The following KIF16B variants were observed in gnomAD, a reference collection of about 807,000 sequenced individuals.
The protein encoded by KIF16B is kinesin-like protein KIF16B.
A neutral mutation model predicts 156.3 loss-of-function variants in KIF16B; 98 were observed. The observed-to-expected ratio is 0.63, with a 90% CI of 0.53 to 0.74. The LOEUF is 0.74. Ranked by LOEUF, KIF16B falls within the 30% of genes least tolerant of loss-of-function variation. The pLI is 0.00. For missense variants in KIF16B, 1,421 were observed against 1,606.5 expected, an observed-to-expected ratio of 0.88 and a Z score of 1.97; for synonymous variants, 564 against 583.7, an observed-to-expected ratio of 0.97 and a Z score of 0.49.
At chr20:16,306,319 A>G (rs1053314981) in intron 25 of KIF16B, among the ~76,000 whole-genome samples, 1 of 152,170 alleles carries the variant, frequency 6.6e-6, no homozygotes, top group Admixed American at 6.5e-5. Flanking sequence ...CGGGGACTTC[A>G]CAGTGGGCAG....
In KIF16B at chr20:16,410,031, A is replaced by T. The variant is rs28695334; in HGVS notation, c.1613-3575T>A. 1.5e-3 allele frequency among the ~76,000 whole-genome samples: 130 copies of T among 86,150 alleles called. 13 individuals are homozygous for T. The highest frequency in any genetic ancestry group is 2.6e-3 in the East Asian group (4 of 1,540). The allele number at this position is 86,150 out of a possible 152,430, so 56.5% of individuals were successfully genotyped here. On this transcript the variant is annotated intron_variant, in intron 15 of 25. Coordinates refer to ENST00000354981, the MANE Select transcript of KIF16B (RefSeq NM_024704.5). ...TATATGTAGGTACATATATATATGTAGGTACATATATATATGTTGGTACAT... is the reference window on the plus strand; with the variant it reads ...TATATGTAGGTACATATATATATGTTGGTACATATATATATGTTGGTACAT...
chr20:16,330,902 T>C (rs890655279), intron 24 of KIF16B, among the ~76,000 whole-genome samples: 7 of 152,254 alleles, frequency 4.6e-5, no homozygotes, highest in Non-Finnish European at 1.0e-4. Flanking sequence ...TTCTCACACA[T>C]GCCCATGTGG....
At chr20:16,386,332 G>T (rs2123488914) in intron 17 of KIF16B, among the ~76,000 whole-genome samples, 1 of 152,160 alleles carries the variant, frequency 6.6e-6, no homozygotes, top group East Asian at 1.9e-4. Flanking sequence ...GAAAGAGAAA[G>T]AGATCAGTAG....
chr20:16,349,046 G>T (rs1453941614), intron 23 of KIF16B, among the ~76,000 whole-genome samples: 1 of 152,198 alleles, frequency 6.6e-6, no homozygotes, highest in East Asian at 1.9e-4. Context: ...ACCCAGGACT[G>T]CTCACAGCAG....
At chr20:16,375,149 C>A (rs754303447) in intron 19 of KIF16B, among the ~76,000 whole-genome samples, 3 of 152,220 alleles carry the variant, frequency 2.0e-5, no homozygotes, top group Admixed American at 6.5e-5. Context: ...CCGGCCCAGG[C>A]ATACTTGAAT....
chr20:16,273,039 G>T lies in KIF16B; in HGVS notation c.*214C>A. The T allele has an allele frequency of 1.8e-6, 1 of 545,494 alleles. No homozygotes were observed. The highest frequency in any genetic ancestry group is 3.3e-6 in the Non-Finnish European group (1 of 304,200). The allele number at this position is 545,494 out of a possible 1,614,324, so 33.8% of individuals were successfully genotyped here. A position where few individuals can be genotyped will look rare whatever the true frequency, so the allele number is the denominator to read the frequency against. The stretch of plus-strand genomic sequence containing the variant: ...CGTTCAACCGCAATGGAACGGTAAC[G>T]GCTGCCTGTCAGGGCCACATCAGCA... On this transcript the variant is annotated 3_prime_UTR_variant, in exon 26 of 26. Transcript: ENST00000354981.
rs1355804645 is a variant in KIF16B at position 16,272,320 on chromosome 20, G to A, written c.*933C>T. On this transcript the variant is annotated 3_prime_UTR_variant, in exon 26 of 26. Coordinates refer to ENST00000354981, the MANE Select transcript of KIF16B (RefSeq NM_024704.5). ...ACATTTTTCTCTTTAGTAAAACAAA[G>A]CAGTTTTACTGTACACAGAAGTGCA... The A allele has an allele frequency of 6.6e-6, 1 of 152,450 alleles. No homozygotes were observed. The highest frequency in any genetic ancestry group is 2.4e-5 in the African/African-American group (1 of 41,364). 9.4% of individuals were successfully genotyped at this position (152,450 alleles called of 1,614,324 possible).
chr20:16,472,556 A>T (rs2067692399), intron 12 of KIF16B, among the ~76,000 whole-genome samples: 1 of 41,186 alleles, frequency 2.4e-5, no homozygotes, highest in Admixed American at 2.3e-4. Context: ...CTGAAATTAA[A>T]AAAAAAAAAA....
rs554789654 is a variant in KIF16B at position 16,530,308 on chromosome 20, A to T, written c.48-1868T>A. Among the ~76,000 whole-genome samples, 5 of 152,194 alleles carry T rather than the reference A, an allele frequency of 3.3e-5. No individual in the cohort carries two copies. The East Asian group carries it at 9.7e-4, about 30-fold the overall frequency. ...GACTATGGGCTGGACCTGGTGAGTC[A>T]CTTCTAATGACTACAACACAAACAC... On this transcript the variant is annotated intron_variant, in intron 1 of 25. Transcript: ENST00000354981.
intron 12 of KIF16B, among the ~76,000 whole-genome samples, chr20:16,451,812 T>A (rs1344701766): frequency 1.3e-5 from 2 of 152,196 alleles, no homozygotes; most frequent in Non-Finnish European, 2.9e-5. Flanking sequence ...TTTACTTTAA[T>A]ATTCAGTATT....
At chr20:16,450,697 A>G (rs901532552) in intron 12 of KIF16B, among the ~76,000 whole-genome samples, 3 of 152,194 alleles carry the variant, frequency 2.0e-5, no homozygotes, top group Non-Finnish European at 4.4e-5. Flanking sequence ...TTGGAACCAC[A>G]GCACCTCACA....
chr20:16,480,448 T>G (rs6034496), intron 12 of KIF16B, among the ~76,000 whole-genome samples: 2,531 of 152,218 alleles, frequency 0.017, 56 homozygotes, highest in African/African-American at 0.056. Context: ...GTCACACAAC[T>G]AGTAAGTGAT....
intron 1 of KIF16B, among the ~76,000 whole-genome samples, chr20:16,552,705 C>T (rs2070711803): frequency 6.6e-6 from 1 of 152,200 alleles, no homozygotes; most frequent in Non-Finnish European, 1.5e-5. Context: ...TTCATTATGA[C>T]ACCAGCATAT....
intron 25 of KIF16B, among the ~76,000 whole-genome samples, chr20:16,309,850 T>C (rs1033318798): frequency 6.6e-5 from 10 of 152,190 alleles, no homozygotes; most frequent in African/African-American, 2.4e-4. Context: ...AAGTTTCATA[T>C]AGGAATTTAA....
At chr20:16,505,378 T>C (rs1003336683) in intron 9 of KIF16B, among the ~76,000 whole-genome samples, 2 of 152,234 alleles carry the variant, frequency 1.3e-5, no homozygotes, top group African/African-American at 4.8e-5. Flanking sequence ...ATTTACTGCC[T>C]TAAATAAAAA....
At chr20:16,278,417 A>G (rs576571877) in intron 25 of KIF16B, among the ~76,000 whole-genome samples, 20 of 152,360 alleles carry the variant, frequency 1.3e-4, no homozygotes, top group African/African-American at 4.8e-4. Context: ...GACTTGGACC[A>G]ATACTGATGT....
chr20:16,365,860 AACGTCC>A (rs1191610138), intron 22 of KIF16B, among the ~76,000 whole-genome samples: 1 of 152,148 alleles, frequency 6.6e-6, no homozygotes, highest in Non-Finnish European at 1.5e-5. Context: ...AGCTGCATCC[AACGTCC>A]ACTGAGAGCT....
intron 12 of KIF16B, among the ~76,000 whole-genome samples, chr20:16,488,018 G>C (rs546647558): frequency 1.3e-5 from 2 of 152,160 alleles, no homozygotes; most frequent in South Asian, 4.1e-4. Flanking sequence ...TCTCCAGCTA[G>C]GCATCTGCAT....
chr20:16,526,072 A>G lies in KIF16B; in HGVS notation c.231+20T>C. The G allele has an allele frequency of 3.0e-6, 4 of 1,333,812 alleles. No individual in the cohort carries two copies. Among genetic ancestry groups the G allele is most frequent in the African/African-American group, 1.5e-5 (1 of 68,030 alleles). The allele number at this position is 1,333,812 out of a possible 1,614,324, so 82.6% of individuals were successfully genotyped here. Reference sequence around the variant, plus strand: ...AATGTGAAAATAAATCAACATAAATATTTTGAAAATATCATATACCATTTC... The same window carrying G: ...AATGTGAAAATAAATCAACATAAATGTTTTGAAAATATCATATACCATTTC... On this transcript the variant is annotated intron_variant, in intron 3 of 25. Coordinates refer to ENST00000354981, the MANE Select transcript of KIF16B (RefSeq NM_024704.5).
Sources: gnomAD v4.1 joint callset for allele counts (sites outside exome capture counted in the v4.1 genomes callset) on GRCh38, gnomAD v4.1.1 for gene constraint, MANE v1.5 for transcripts, NCBI Gene and HGNC (gene_info 2026-07-23, HGNC 2026-07-21) for gene names.